Variants in TRPM3 observed in about 807,000 individuals in gnomAD.
The protein encoded by TRPM3 is long transient receptor potential channel 3.
In TRPM3, 77 loss-of-function variants were observed where a neutral mutation model predicts 181.2. The observed-to-expected ratio is 0.42, with a 90% CI of 0.35 to 0.51. The LOEUF is 0.51. Ranked by LOEUF, TRPM3 falls within the 20% of genes least tolerant of loss-of-function variation. The pLI, the probability that TRPM3 is intolerant of heterozygous loss-of-function variation, is 0.01. For synonymous variants in TRPM3, 745 were observed against 796.4 expected (o/e 0.94, Z 1.09); for missense variants, 1,759 against 2,196.7 (o/e 0.80, Z 3.98).
At chr9:70,980,068 C>CACACACACACACACAT (rs2097349562) in intron 1 of TRPM3, among the ~76,000 whole-genome samples, 1 of 1,080 alleles carries the variant, frequency 9.3e-4, no homozygotes. Flanking sequence ...CATGTGCGTG[C>CACACACACACACACAT]ACACACACAC....
chr9:71,420,966 G>GGAGAGAAAAAGAGAAAAAGA (rs2093753722), intron 1 of TRPM3, among the ~76,000 whole-genome samples: 7 of 39,466 alleles, frequency 1.8e-4, no homozygotes, highest in African/African-American at 6.6e-4. Context: ...AGAGAAAAAG[G>GGAGAGAAAAAGAGAAAAAGA]GAGAGAAAAA....
At chr9:70,784,916 C>T (rs2083276414) in intron 6 of TRPM3, among the ~76,000 whole-genome samples, 1 of 152,154 alleles carries the variant, frequency 6.6e-6, no homozygotes, top group Non-Finnish European at 1.5e-5. Context: ...GGCTGGAGTG[C>T]AGTGGCACAA....
At chr9:70,742,505 A>T (rs2074347575) in intron 8 of TRPM3, among the ~76,000 whole-genome samples, 1 of 152,160 alleles carries the variant, frequency 6.6e-6, no homozygotes, top group African/African-American at 2.4e-5. Flanking sequence ...CTCCAGCGGT[A>T]TAGAACACTA....
chr9:70,573,581 G>C (rs1434107160), intron 22 of TRPM3, among the ~76,000 whole-genome samples: 1 of 151,792 alleles, frequency 6.6e-6, no homozygotes, highest in Non-Finnish European at 1.5e-5. Flanking sequence ...TAATCAGGGA[G>C]GGCAAGCAAA....
intron 1 of TRPM3, among the ~76,000 whole-genome samples, chr9:70,983,053 G>T (rs923624932): frequency 5.9e-5 from 9 of 151,922 alleles, no homozygotes; most frequent in Non-Finnish European, 1.2e-4. Flanking sequence ...ACTCAACCCC[G>T]TGAGTCTGTA....
intron 1 of TRPM3, among the ~76,000 whole-genome samples, chr9:70,969,526 T>G (rs2133903544): frequency 6.9e-6 from 1 of 144,922 alleles, no homozygotes; most frequent in East Asian, 1.9e-4. Flanking sequence ...TAATATTAAT[T>G]ATTAATAAAC....
chr9:71,024,444 A>T (rs1324605932), intron 1 of TRPM3, among the ~76,000 whole-genome samples: 1 of 152,234 alleles, frequency 6.6e-6, no homozygotes, highest in East Asian at 1.9e-4. Flanking sequence ...TTACTTAAGC[A>T]GGGATAAAAA....
chr9:70,606,208 G>T lies in TRPM3; in HGVS notation c.2668-2738C>A, dbSNP rs116538497. Among the ~76,000 whole-genome samples the T allele has an allele frequency of 2.3e-3, 344 of 151,952 alleles. 1 individual carries two copies. The highest frequency in any genetic ancestry group is 7.9e-3 in the African/African-American group (327 of 41,520). ...TGGGGATCTATATATCTATCTATCT[G>T]TCTGTCTGTATCTCCCAACACACTG... On this transcript the variant is annotated intron_variant, in intron 19 of 25. Transcript: ENST00000677713.
chr9:71,202,073 T>C (rs1371024145), intron 1 of TRPM3, among the ~76,000 whole-genome samples: 1 of 152,224 alleles, frequency 6.6e-6, no homozygotes. Flanking sequence ...TGCAGGTCTG[T>C]TGGAGTTTGC....
chr9:71,285,994 T>C (rs527628004), intron 1 of TRPM3, among the ~76,000 whole-genome samples: 3 of 152,092 alleles, frequency 2.0e-5, no homozygotes, highest in African/African-American at 7.2e-5. Context: ...TTTTCTCCTA[T>C]TTTTATTTAA....
chr9:71,204,522 C>T (rs1414176990), intron 1 of TRPM3, among the ~76,000 whole-genome samples: 1 of 152,136 alleles, frequency 6.6e-6, no homozygotes, highest in Non-Finnish European at 1.5e-5. Flanking sequence ...GATACCATCT[C>T]ACACCAGTTA....
chr9:70,843,589 T>G (rs2094815421), intron 4 of TRPM3, among the ~76,000 whole-genome samples: 1 of 152,326 alleles, frequency 6.6e-6, no homozygotes, highest in South Asian at 2.1e-4. Flanking sequence ...TAGTTTGAGA[T>G]TTTGTTAACC....
At position 70,625,043 on chromosome 9, in the gene TRPM3, G is replaced by A; in HGVS notation, c.1809+148C>T. 1.1e-6 allele frequency: 1 copy of A among 934,776 alleles called. No homozygotes were observed. Among genetic ancestry groups the A allele is most frequent in the South Asian group, 2.4e-5 (1 of 42,290 alleles). The allele number at this position is 934,776 out of a possible 1,614,324, so 57.9% of individuals were successfully genotyped here. A position where few individuals can be genotyped will look rare whatever the true frequency, so the allele number is the denominator to read the frequency against. On this transcript the variant is annotated intron_variant, in intron 14 of 25. Coordinates refer to ENST00000677713, the MANE Select transcript of TRPM3 (RefSeq NM_001366145.2). This position sits in a 1 kb window ranked among gnomAD's most constrained non-coding sequence, Gnocchi z 4.8. The stretch of plus-strand genomic sequence containing the variant: ...ATAATCTCAATGATAAGATTAATTT[G>A]AATTTCATTACTTTTCTTTGATTGT...
rs574750553 is a variant in TRPM3, at chr9:70,738,197, T to C, written c.1272+23404A>G. On this transcript the variant is annotated intron_variant, in intron 8 of 25. Coordinates refer to ENST00000677713, the MANE Select transcript of TRPM3 (RefSeq NM_001366145.2). ...TCTCTCAGACCACAGTGGAATAAAA[T>C]TGGAAATCAACTCCAAAGGAACCCA... 9.7e-4 allele frequency among the ~76,000 whole-genome samples: 147 copies of C among 152,218 alleles called. 1 individual carries two copies. The highest frequency in any genetic ancestry group is 2.7e-3 in the African/African-American group (112 of 41,538).
chr9:71,152,692 G>T (rs1223340018), intron 1 of TRPM3, among the ~76,000 whole-genome samples: 1 of 152,118 alleles, frequency 6.6e-6, no homozygotes, highest in Non-Finnish European at 1.5e-5. Flanking sequence ...GTTGTCCAAG[G>T]TTGAGGCCAT....
intron 1 of TRPM3, among the ~76,000 whole-genome samples, chr9:70,997,892 T>C (rs988164630): frequency 1.3e-5 from 2 of 151,920 alleles, no homozygotes; most frequent in African/African-American, 4.8e-5. Flanking sequence ...TATACGAAGT[T>C]TCAACACTCC....
chr9:71,250,795 T>TG (rs2082300256), intron 1 of TRPM3, among the ~76,000 whole-genome samples: 1 of 151,696 alleles, frequency 6.6e-6, no homozygotes, highest in South Asian at 2.1e-4. Flanking sequence ...TAAGATTCAT[T>TG]GGGGGAGGGG....
intron 1 of TRPM3, among the ~76,000 whole-genome samples, chr9:71,385,809 A>T (rs2092909791): frequency 6.6e-6 from 1 of 151,992 alleles, no homozygotes; most frequent in African/African-American, 2.4e-5. Context: ...GGTTCAAGGG[A>T]TTCTTCCACA....
chr9:71,360,890 C>T (rs181680127), intron 1 of TRPM3, among the ~76,000 whole-genome samples: 1 of 152,220 alleles, frequency 6.6e-6, no homozygotes, highest in East Asian at 1.9e-4. Context: ...AGAGGATTGC[C>T]AAAACGTTGA....
Sources: gnomAD v4.1 joint callset for allele counts (sites outside exome capture counted in the v4.1 genomes callset) on GRCh38, gnomAD v4.1.1 for gene constraint, Gnocchi (gnomAD v3.1) non-coding constraint, MANE v1.5 for transcripts, NCBI Gene and HGNC (gene_info 2026-07-23, HGNC 2026-07-21) for gene names.